MINDY4: variants seen among roughly 807,000 people sequenced by gnomAD.
The protein encoded by MINDY4 is probable ubiquitin carboxyl-terminal hydrolase MINDY-4.
MINDY4 carries 68 observed loss-of-function variants against 87.0 expected under a neutral mutation model. The observed-to-expected ratio is 0.78, with a 90% CI of 0.64 to 0.96. MINDY4 has a LOEUF of 0.96. Ranked by LOEUF, MINDY4 falls within the 40% of genes least tolerant of loss-of-function variation. MINDY4 has a pLI of 0.00. For synonymous variants in MINDY4, 379 were observed against 363.2 expected (o/e 1.04, Z -0.50); for missense variants, 919 against 928.2 (o/e 0.99, Z 0.13).
chr7:30,884,480 G>T (rs1790570590), intron 17 of MINDY4, among the ~76,000 whole-genome samples: 1 of 152,226 alleles, frequency 6.6e-6, no homozygotes, highest in Non-Finnish European at 1.5e-5. Context: ...GGGACAGGAG[G>T]TGACACTAGC....
chr7:30,791,883 T>TA (rs766003863), intron 5 of MINDY4, among the ~76,000 whole-genome samples: 3 of 151,456 alleles, frequency 2.0e-5, no homozygotes, highest in Non-Finnish European at 2.9e-5. Flanking sequence ...GTTGATGAGC[T>TA]AAAAAAAAAT....
At chr7:30,859,889 G>A (rs1055975681) in intron 13 of MINDY4, among the ~76,000 whole-genome samples, 1 of 152,166 alleles carries the variant, frequency 6.6e-6, no homozygotes, top group African/African-American at 2.4e-5. Context: ...TGTATCAGGT[G>A]GAACATGGTC....
At chr7:30,886,630 C>G (rs1790639965) in intron 17 of MINDY4, among the ~76,000 whole-genome samples, 1 of 152,240 alleles carries the variant, frequency 6.6e-6, no homozygotes, top group Admixed American at 6.5e-5. Flanking sequence ...TGGAAGGTCA[C>G]TTAGTGGGCA....
At chr7:30,839,445 G>A (rs1788966423) in intron 8 of MINDY4, 129 bp downstream of exon 8, 1 of 568,192 alleles carries the variant, frequency 1.8e-6, no homozygotes, top group South Asian at 3.1e-5. Context: ...AGCCCCACAT[G>A]TGCTGAGTTG....
intron 13 of MINDY4, among the ~76,000 whole-genome samples, chr7:30,869,811 G>T (rs759200005): frequency 5.9e-5 from 9 of 152,080 alleles, no homozygotes; most frequent in African/African-American, 1.7e-4. Context: ...TCTTCTCCAG[G>T]CCCCTCGTGC....
chr7:30,824,304 C>T (rs1788431821), intron 5 of MINDY4, among the ~76,000 whole-genome samples: 1 of 152,168 alleles, frequency 6.6e-6, no homozygotes, highest in African/African-American at 2.4e-5. Flanking sequence ...CCACCAATCC[C>T]ACTCCCATAA....
At chr7:30,824,874 A>C (rs1729124665) in intron 5 of MINDY4, among the ~76,000 whole-genome samples, 1 of 152,124 alleles carries the variant, frequency 6.6e-6, no homozygotes, top group Admixed American at 6.5e-5. Context: ...CTCTGTTATT[A>C]TGTGAGAGTG....
intron 12 of MINDY4, among the ~76,000 whole-genome samples, chr7:30,855,552 G>A (rs1358391132): frequency 6.6e-6 from 1 of 152,236 alleles, no homozygotes; most frequent in African/African-American, 2.4e-5. Flanking sequence ...GGAGCCTGAG[G>A]GTGATTGCTC....
Position 30,892,030 on chromosome 7 carries a change from G to C in MINDY4, c.*25G>C. 6.2e-7 allele frequency: 1 copy of C among 1,613,604 alleles called. No homozygotes were observed. Among genetic ancestry groups the C allele is most frequent in the South Asian group, 1.1e-5 (1 of 91,082 alleles). On this transcript the variant is annotated 3_prime_UTR_variant, in exon 18 of 18. Transcript: ENST00000265299. The stretch of plus-strand genomic sequence containing the variant: ...ACCGTTGGATGTGGGTAAACCCTGT[G>C]GTCCACCACTCATCACCTCATCACC...
intron 5 of MINDY4, among the ~76,000 whole-genome samples, chr7:30,799,255 ATTAC>A (rs1787581030): frequency 6.6e-6 from 1 of 152,132 alleles, no homozygotes; most frequent in Non-Finnish European, 1.5e-5. Context: ...TAATCTCTGA[ATTAC>A]TTTGATTCAG....
chr7:30,877,908 G>A (rs757134631), intron 15 of MINDY4, among the ~76,000 whole-genome samples: 6 of 128,886 alleles, frequency 4.7e-5, no homozygotes, highest in African/African-American at 1.7e-4. Flanking sequence ...TTGAACTCCT[G>A]ACCTCAAGTG....
rs10229151 is a variant in MINDY4 at position 30,806,845 on chromosome 7, G to A, written c.1073+15271G>A. Among the ~76,000 whole-genome samples, 843 of 152,326 alleles carry A rather than the reference G, an allele frequency of 5.5e-3. 12 individuals are homozygous for A. The highest frequency in any genetic ancestry group is 0.019 in the African/African-American group (797 of 41,570). ...AGAAGGTTTTCCCAGGTCAGGCCTG[G>A]ACAATGGGCTGGCACAATTGGCTCC... On this transcript the variant is annotated intron_variant, in intron 5 of 17. Coordinates refer to ENST00000265299, the MANE Select transcript of MINDY4 (RefSeq NM_032222.3).
At chr7:30,828,876 T>C (rs7808904) in intron 6 of MINDY4, 139 bp downstream of exon 6, 219,970 of 711,204 alleles carry the variant, frequency 0.31, 42,086 homozygotes, top group African/African-American at 0.7. Context: ...GTGAGTAGAG[T>C]AGACTACTCT....
chr7:30,888,008 G>A (rs572838658), intron 17 of MINDY4, among the ~76,000 whole-genome samples: 1 of 152,314 alleles, frequency 6.6e-6, no homozygotes, highest in Admixed American at 6.5e-5. Context: ...AGGCGTCCCT[G>A]GATGCTTTTC....
At chr7:30,800,001 C>T (rs1787600214) in intron 5 of MINDY4, among the ~76,000 whole-genome samples, 1 of 152,102 alleles carries the variant, frequency 6.6e-6, no homozygotes, top group Non-Finnish European at 1.5e-5. Context: ...CTGTGGGCTG[C>T]CCATCCTGGA....
chr7:30,782,682 G>T (rs1787041511), intron 3 of MINDY4, among the ~76,000 whole-genome samples: 1 of 151,964 alleles, frequency 6.6e-6, no homozygotes, highest in Non-Finnish European at 1.5e-5. Flanking sequence ...TAGCTTGGGA[G>T]ATGGAGTGAG....
chr7:30,868,827 T>C (rs1323875628), intron 13 of MINDY4, among the ~76,000 whole-genome samples: 1 of 152,164 alleles, frequency 6.6e-6, no homozygotes, highest in East Asian at 1.9e-4. Context: ...GGAGGCTGGG[T>C]CATCCAAGCA....
In MINDY4 at chr7:30,809,599, A is replaced by G. The variant is rs1044160632; in HGVS notation, c.1073+18025A>G. 6.7e-4 allele frequency among the ~76,000 whole-genome samples: 102 copies of G among 152,242 alleles called. 1 individual carries two copies. The highest frequency in any genetic ancestry group is 2.0e-3 in the African/African-American group (85 of 41,566). ...AATTCTAAGTTAATTTGGACAAAAC[A>G]AGGTCTTATTAATAGCAAAGGATAA... is the stretch of plus-strand genomic sequence containing the variant. On this transcript the variant is annotated intron_variant, in intron 5 of 17. Transcript: ENST00000265299.
At chr7:30,875,880 G>T (rs1790242664) in intron 15 of MINDY4, among the ~76,000 whole-genome samples, 1 of 152,248 alleles carries the variant, frequency 6.6e-6, no homozygotes, top group African/African-American at 2.4e-5. Context: ...GGGGAAGATG[G>T]TTTGAAAAGG....
Sources: allele counts gnomAD v4.1 joint callset (sites outside exome capture counted in the v4.1 genomes callset), GRCh38; gene constraint gnomAD v4.1.1; transcripts MANE v1.5; gene names NCBI Gene and HGNC (gene_info 2026-07-23, HGNC 2026-07-21).